TMEM132C: variants seen among roughly 807,000 people sequenced by gnomAD.
The protein encoded by TMEM132C is protein phosphatase 1, regulatory subunit 152.
A neutral mutation model predicts 61.4 loss-of-function variants in TMEM132C; 29 were observed. The ratio of observed to expected loss-of-function variants is 0.47; its 90% CI spans 0.35 to 0.64. TMEM132C has a LOEUF of 0.64. Among genes scored for constraint, TMEM132C ranks in the 30% least tolerant of loss-of-function variants. The pLI is 0.00. For synonymous variants in TMEM132C, 656 were observed against 633.1 expected (o/e 1.04, Z -0.54); for missense variants, 1,408 against 1,476.9 (o/e 0.95, Z 0.76).
chr12:128,419,021 A>G (rs1483337834), intron 2 of TMEM132C, among the ~76,000 whole-genome samples: 2 of 152,174 alleles, frequency 1.3e-5, no homozygotes, highest in African/African-American at 4.8e-5. Context: ...GTATCCAACC[A>G]TGACCATTTG....
At chr12:128,537,131 T>C (rs1873560075) in intron 2 of TMEM132C, among the ~76,000 whole-genome samples, 1 of 152,170 alleles carries the variant, frequency 6.6e-6, no homozygotes, top group Non-Finnish European at 1.5e-5. Flanking sequence ...GATAGCATGA[T>C]CCCAAGGTGG....
intron 4 of TMEM132C, among the ~76,000 whole-genome samples, chr12:128,638,998 GTGGTGATGATGA>G (rs1954126226): frequency 2.5e-5 from 1 of 39,446 alleles, no homozygotes; most frequent in Non-Finnish European, 6.4e-5. Context: ...GATGGTGATG[GTGGTGATGATGA>G]TGGTGGTGAT....
chr12:128,324,813 G>T (rs1872451823), intron 1 of TMEM132C, among the ~76,000 whole-genome samples: 2 of 152,114 alleles, frequency 1.3e-5, no homozygotes, highest in African/African-American at 4.8e-5. Context: ...GGGTGACAGA[G>T]TGAGACCCTA....
intron 2 of TMEM132C, among the ~76,000 whole-genome samples, chr12:128,465,391 G>T (rs1356232895): frequency 6.6e-6 from 1 of 151,978 alleles, no homozygotes; most frequent in Middle Eastern, 3.2e-3. Context: ...GTAGAGACGG[G>T]GTTTTTGCCA....
At chr12:128,455,317 C>T (rs1870303476) in intron 2 of TMEM132C, among the ~76,000 whole-genome samples, 1 of 152,156 alleles carries the variant, frequency 6.6e-6, no homozygotes, top group African/African-American at 2.4e-5. Context: ...CAGGCTCTAC[C>T]CACACGGAGG....
At chr12:128,268,511 C>T (rs916535863) in intron 1 of TMEM132C, among the ~76,000 whole-genome samples, 1 of 151,964 alleles carries the variant, frequency 6.6e-6, no homozygotes, top group Non-Finnish European at 1.5e-5. Context: ...TTTCCTGCTC[C>T]CCGCGCCCTG....
At chr12:128,338,757 A>AATATATATATAT (rs59699427) in intron 1 of TMEM132C, among the ~76,000 whole-genome samples, 52 of 138,652 alleles carry the variant, frequency 3.8e-4, no homozygotes, top group African/African-American at 1.6e-3. Context: ...CTTCTGCAGA[A>AATATATATATAT]ATATATATAT....
intron 2 of TMEM132C, among the ~76,000 whole-genome samples, chr12:128,505,407 C>A (rs1007230174): frequency 3.3e-5 from 5 of 152,162 alleles, no homozygotes; most frequent in African/African-American, 1.2e-4. Flanking sequence ...CTAGCTCTGG[C>A]TAGTACCACA....
At position 128,620,262 on chromosome 12, in the gene TMEM132C, A is replaced by T. The variant is rs778890393; in HGVS notation, c.1305+3927A>T. ...AAAAAAAAAAAAAAAAAAGGAATAA[A>T]CAAGCAGCAGAATTCATTCAACCTC... is the stretch of plus-strand genomic sequence containing the variant. On this transcript the variant is annotated intron_variant, in intron 4 of 8. Transcript: ENST00000435159. Among the ~76,000 whole-genome samples the T allele has an allele frequency of 2.2e-3, 326 of 151,576 alleles. 1 individual carries two copies. Among genetic ancestry groups the T allele is most frequent in the South Asian group, 5.2e-3 (25 of 4,798 alleles).
At chr12:128,350,351 G>A (rs1422062847) in intron 1 of TMEM132C, among the ~76,000 whole-genome samples, 1 of 152,102 alleles carries the variant, frequency 6.6e-6, no homozygotes, top group African/African-American at 2.4e-5. Context: ...GAGTGAGAAG[G>A]GCTAGGGGGC....
At chr12:128,369,355 A>G (rs1474835305) in intron 1 of TMEM132C, among the ~76,000 whole-genome samples, 1 of 152,206 alleles carries the variant, frequency 6.6e-6, no homozygotes, top group Non-Finnish European at 1.5e-5. Context: ...ATTAGTAAAC[A>G]TTAATACAAT....
At chr12:128,473,504 C>A (rs1871048097) in intron 2 of TMEM132C, among the ~76,000 whole-genome samples, 1 of 150,242 alleles carries the variant, frequency 6.7e-6, no homozygotes, top group Non-Finnish European at 1.5e-5. Flanking sequence ...ATCCTTACTC[C>A]AGCCTCCATC....
chr12:128,514,331 G>A (rs1159273221), intron 2 of TMEM132C, among the ~76,000 whole-genome samples: 5 of 152,044 alleles, frequency 3.3e-5, no homozygotes, highest in African/African-American at 7.2e-5. Flanking sequence ...TTCCCGATAC[G>A]GTCTCCTTCA....
chr12:128,314,803 G>C (rs1872091872), intron 1 of TMEM132C, among the ~76,000 whole-genome samples: 1 of 152,064 alleles, frequency 6.6e-6, no homozygotes, highest in South Asian at 2.1e-4. Flanking sequence ...CCTGATTTTG[G>C]ACTTCTGGCC....
At chr12:128,436,701 G>C (rs1201032004) in intron 2 of TMEM132C, among the ~76,000 whole-genome samples, 1 of 152,204 alleles carries the variant, frequency 6.6e-6, no homozygotes, top group Admixed American at 6.5e-5. Flanking sequence ...GTTGGTGGGA[G>C]TGTAAACTAG....
intron 1 of TMEM132C, among the ~76,000 whole-genome samples, chr12:128,412,218 A>G (rs757307500): frequency 2.0e-5 from 3 of 152,098 alleles, no homozygotes; most frequent in Non-Finnish European, 2.9e-5. Flanking sequence ...ACCCGTGTTG[A>G]TATTATTATC....
intron 1 of TMEM132C, among the ~76,000 whole-genome samples, chr12:128,309,319 G>A (rs1566051428): frequency 1.3e-5 from 2 of 152,118 alleles, no homozygotes; most frequent in African/African-American, 2.4e-5. Flanking sequence ...CCTTCTTTGT[G>A]AACTTCAAAT....
At chr12:128,637,979 G>A (rs577114085) in intron 4 of TMEM132C, among the ~76,000 whole-genome samples, 3 of 152,312 alleles carry the variant, frequency 2.0e-5, no homozygotes, top group South Asian at 4.1e-4. Flanking sequence ...GATTATTTAT[G>A]CATAGAGAGA....
chr12:128,347,200 C>G (rs566523526), intron 1 of TMEM132C, among the ~76,000 whole-genome samples: 1 of 152,276 alleles, frequency 6.6e-6, no homozygotes, highest in East Asian at 1.9e-4. Flanking sequence ...TCTTGAGTTA[C>G]TTCATTTAGA....
Sources: allele counts gnomAD v4.1 joint callset (sites outside exome capture counted in the v4.1 genomes callset), GRCh38; gene constraint gnomAD v4.1.1; transcripts MANE v1.5; gene names NCBI Gene and HGNC (gene_info 2026-07-23, HGNC 2026-07-21).